MED26: variants seen among roughly 807,000 people sequenced by gnomAD.
MED26 encodes mediator of RNA polymerase II transcription subunit 26.
A neutral mutation model predicts 43.7 loss-of-function variants in MED26; 7 were observed. That is an observed-to-expected ratio of 0.16 (90% CI 0.09 to 0.30). MED26 has a LOEUF of 0.30. Ranked by LOEUF, MED26 falls within the 10% of genes least tolerant of loss-of-function variation. The pLI, the probability that MED26 is intolerant of heterozygous loss-of-function variation, is 1.00. For synonymous variants in MED26, 375 were observed against 371.1 expected (o/e 1.01, Z -0.12); for missense variants, 784 against 840.6 (o/e 0.93, Z 0.83).
intron 1 of MED26, among the ~76,000 whole-genome samples, chr19:16,613,257 A>T (rs1466492178): frequency 4.6e-5 from 7 of 152,112 alleles, no homozygotes; most frequent in Non-Finnish European, 5.9e-5. Context: ...CTTTGGGAGG[A>T]GGGGAGAGGA....
chr19:16,589,750 A>G (rs1256446466), intron 1 of MED26, among the ~76,000 whole-genome samples: 1 of 152,230 alleles, frequency 6.6e-6, no homozygotes, highest in Non-Finnish European at 1.5e-5. Context: ...TTCTAGATGT[A>G]TATTTTCTAG....
At chr19:16,627,701 G>A (rs1268933386) in intron 1 of MED26, among the ~76,000 whole-genome samples, 171 bp downstream of exon 1, 1 of 152,212 alleles carries the variant, frequency 6.6e-6, no homozygotes, top group African/African-American at 2.4e-5. Flanking sequence ...CGGGCTGCCC[G>A]ACCTGCCCCC....
At position 16,586,324 on chromosome 19, in the gene MED26, C is replaced by T. The variant is rs549497662; in HGVS notation, c.73-7915G>A. On this transcript the variant is annotated intron_variant, in intron 1 of 2. Coordinates refer to ENST00000263390, the MANE Select transcript of MED26 (RefSeq NM_004831.5). This position sits in a 1 kb window ranked among gnomAD's most constrained non-coding sequence, Gnocchi z 5.1. Reference sequence around the variant, plus strand: ...TAATGGAGGTCCCGGGTAGACCACACAGCTAGAAGATGGTGAGGCCTGGCC... The same window carrying T: ...TAATGGAGGTCCCGGGTAGACCACATAGCTAGAAGATGGTGAGGCCTGGCC... Among the ~76,000 whole-genome samples the T allele has an allele frequency of 6.6e-6, 1 of 152,358 alleles. No individual in the cohort carries two copies. Among genetic ancestry groups the T allele is most frequent in the Non-Finnish European group, 1.5e-5 (1 of 68,034 alleles).
At chr19:16,596,327 T>C (rs1032068073) in intron 1 of MED26, among the ~76,000 whole-genome samples, 5 of 152,216 alleles carry the variant, frequency 3.3e-5, no homozygotes, top group Admixed American at 1.3e-4. Flanking sequence ...CCTCCTTATG[T>C]TTCCCTTGAC....
intron 1 of MED26, 165 bp from the exon 2 acceptor site, chr19:16,578,574 C>A: frequency 3.2e-6 from 2 of 631,746 alleles, no homozygotes; most frequent in South Asian, 1.9e-5. Flanking sequence ...CCTGGGCCAA[C>A]CTGGCACCCA....
At chr19:16,606,630 G>A (rs1419371899) in intron 1 of MED26, among the ~76,000 whole-genome samples, 5 of 152,174 alleles carry the variant, frequency 3.3e-5, no homozygotes, top group Middle Eastern at 3.2e-3. Context: ...GGAGGGGAGC[G>A]GGGGATAAGC....
At chr19:16,578,521 A>G (rs2122378318) in intron 1 of MED26, 112 bp from the exon 2 acceptor site, 4 of 960,408 alleles carry the variant, frequency 4.2e-6, no homozygotes, top group Non-Finnish European at 6.4e-6. Context: ...AAGAGGAGCC[A>G]GCAGCACTGA....
chr19:16,609,941 T>TAAAAAAAAAAAAAA (rs869040520), intron 1 of MED26, among the ~76,000 whole-genome samples: 3 of 84,672 alleles, frequency 3.5e-5, no homozygotes, highest in African/African-American at 1.4e-4. Flanking sequence ...AAGCACTCTT[T>TAAAAAAAAAAAAAA]AAAAAAAAAA....
Position 16,576,867 on chromosome 19 carries a change from C to T in MED26, c.963G>A (p.Pro321=), listed in dbSNP as rs779191881. The T allele has an allele frequency of 1.1e-5, 17 of 1,610,012 alleles. No individual in the cohort carries two copies. Among genetic ancestry groups the T allele is most frequent in the African/African-American group, 6.7e-5 (5 of 74,894 alleles). The change falls in exon 3 of 3, where the codon CCG becomes CCA. Residue 321 remains proline, a synonymous_variant. Transcript: ENST00000263390. The surrounding 1 kb of genome is among the most constrained non-coding windows in gnomAD (Gnocchi z 6.8). The part of the protein sequence containing the change: ...QVPSPLPLAQ[P]STPPVRRLEL... Reference sequence around the variant, plus strand: ...CGAGCCGCCGTACGGGGGGTGTGGACGGCTGTGCCAGTGGAAGCGGTGACG... The same window carrying T: ...CGAGCCGCCGTACGGGGGGTGTGGATGGCTGTGCCAGTGGAAGCGGTGACG...
At chr19:16,601,225 G>A (rs1242864621) in intron 1 of MED26, among the ~76,000 whole-genome samples, 4 of 151,248 alleles carry the variant, frequency 2.6e-5, no homozygotes, top group African/African-American at 9.7e-5. Context: ...GCATGAACTC[G>A]GCTCACCACA....
intron 1 of MED26, 76 bp downstream of exon 1, chr19:16,627,796 G>A: frequency 9.2e-7 from 1 of 1,088,814 alleles, no homozygotes; most frequent in East Asian, 3.2e-5. Flanking sequence ...GAAGCCCGGT[G>A]GGCGAGGGGT....
At chr19:16,583,888 C>A (rs116395971) in intron 1 of MED26, among the ~76,000 whole-genome samples, 7,921 of 152,202 alleles carry the variant, frequency 0.052, 284 homozygotes, top group Non-Finnish European at 0.063. Flanking sequence ...TCACAGCTAG[C>A]ATAGATACTG....
Position 16,627,928 on chromosome 19 carries a change from C to T in MED26, c.16G>A (p.Ala6Thr). 1 of 1,489,322 alleles carries T rather than the reference C, an allele frequency of 6.7e-7. No individual in the cohort carries two copies. The highest frequency in any genetic ancestry group is 1.3e-5 in the South Asian group (1 of 78,776). The allele number at this position is 1,489,322 out of a possible 1,614,324, so 92.3% of individuals were successfully genotyped here. MTAAPASPQQIRDRLL... is the reference protein window; with the variant it reads MTAAPTSPQQIRDRLL... ...CGGTCCCTGATCTGCTGCGGAGACG[C>T]CGGAGCCGCTGTCATTGCCTGGGCG... is the stretch of plus-strand genomic sequence containing the variant. The change falls in exon 1 of 3, where the codon GCG becomes ACG. Residue 6 changes from alanine (A) to threonine (T), a missense_variant. Ala to Thr is a moderately conservative substitution (Grantham distance 58). Transcript: ENST00000263390.
chr19:16,622,419 G>T (rs2122460104), intron 1 of MED26, among the ~76,000 whole-genome samples: 1 of 152,350 alleles, frequency 6.6e-6, no homozygotes. Context: ...TGACTGAAAT[G>T]TAACTGCAGT....
chr19:16,584,334 A>C (rs975975374), intron 1 of MED26, among the ~76,000 whole-genome samples: 1 of 150,942 alleles, frequency 6.6e-6, no homozygotes, highest in Non-Finnish European at 1.5e-5. Context: ...AAAACAAAAC[A>C]AAAAAAAGAA....
chr19:16,584,735 A>G (rs1379611010), intron 1 of MED26, among the ~76,000 whole-genome samples: 1 of 152,214 alleles, frequency 6.6e-6, no homozygotes, highest in East Asian at 1.9e-4. Flanking sequence ...GGTGAGTGAC[A>G]GGAGGGGGAT....
intron 1 of MED26, among the ~76,000 whole-genome samples, chr19:16,603,459 G>C: frequency 6.6e-6 from 1 of 152,010 alleles, no homozygotes; most frequent in East Asian, 1.9e-4. Context: ...GAGTGCTTGA[G>C]GGCTTTTTTT....
Position 16,577,436 on chromosome 19 carries a change from C to T in MED26, c.394G>A (p.Asp132Asn). ...RSIHDLKSRNDLQRLPGQRLD... is the reference protein window; with the variant it reads ...RSIHDLKSRNNLQRLPGQRLD... ...CGCTGCCCGGGCAGCCTCTGGAGGT[C>T]ATTGCGGCTCTTCAGGTCATGGATG... Residue 132 changes from aspartate (D) to asparagine (N), a missense_variant, in exon 3 of 3, where the codon GAC becomes AAC. Physicochemically the swap from Asp to Asn is conservative, Grantham distance 23 (BLOSUM62 1). Coordinates refer to ENST00000263390, the MANE Select transcript of MED26 (RefSeq NM_004831.5). The surrounding 1 kb of genome is among the most constrained non-coding windows in gnomAD (Gnocchi z 8.1). 2 of 1,595,336 alleles carry T rather than the reference C, an allele frequency of 1.3e-6. No homozygotes were observed. Among genetic ancestry groups the T allele is most frequent in the South Asian group, 1.1e-5 (1 of 90,528 alleles).
At chr19:16,603,721 A>G (rs2086160273) in intron 1 of MED26, among the ~76,000 whole-genome samples, 1 of 152,176 alleles carries the variant, frequency 6.6e-6, no homozygotes, top group Non-Finnish European at 1.5e-5. Context: ...CTTGGAGCCC[A>G]CACACCCAAC....
Sources: allele counts gnomAD v4.1 joint callset (sites outside exome capture counted in the v4.1 genomes callset), GRCh38; gene constraint gnomAD v4.1.1; non-coding constraint Gnocchi (gnomAD v3.1); transcripts MANE v1.5; gene names NCBI Gene and HGNC (gene_info 2026-07-23, HGNC 2026-07-21).